Variants in HPSE2 observed in about 807,000 individuals in gnomAD.
The protein encoded by HPSE2 is inactive heparanase-2.
In HPSE2, 38 loss-of-function variants were observed where a neutral mutation model predicts 60.5. That is an observed-to-expected ratio of 0.63 (90% CI 0.48 to 0.82). The LOEUF (loss-of-function observed/expected upper bound fraction) is 0.82, where lower values mean the gene tolerates loss of function less well. Ranked by LOEUF, HPSE2 falls within the 40% of genes least tolerant of loss-of-function variation. The pLI is 0.00. For synonymous variants in HPSE2, 295 were observed against 293.2 expected (o/e 1.01, Z -0.06); for missense variants, 713 against 740.4 (o/e 0.96, Z 0.43).
At chr10:98,992,984 G>A (rs928097401) in intron 3 of HPSE2, among the ~76,000 whole-genome samples, 75 of 152,286 alleles carry the variant, frequency 4.9e-4, no homozygotes, top group Non-Finnish European at 8.1e-4. Context: ...TTCTAGTTCT[G>A]AGTACATAGA....
At chr10:98,836,123 T>TCTACTTTATTCAGCCTTTC (rs1951784627) in intron 3 of HPSE2, among the ~76,000 whole-genome samples, 1 of 152,242 alleles carries the variant, frequency 6.6e-6, no homozygotes, top group Non-Finnish European at 1.5e-5. Flanking sequence ...GTTTCTGATT[T>TCTACTTTATTCAGCCTTTC]CTACTTTATT....
chr10:98,989,819 A>AT (rs1174255034), intron 3 of HPSE2, among the ~76,000 whole-genome samples: 2 of 152,160 alleles, frequency 1.3e-5, no homozygotes, highest in Non-Finnish European at 2.9e-5. Context: ...ATGAATCATA[A>AT]TTTAAGTAGG....
chr10:98,691,355 G>C (rs1948072835), intron 6 of HPSE2, among the ~76,000 whole-genome samples: 2 of 151,988 alleles, frequency 1.3e-5, no homozygotes, highest in South Asian at 4.1e-4. Flanking sequence ...CTGGAGATAT[G>C]GCCAATATTT....
intron 3 of HPSE2, among the ~76,000 whole-genome samples, chr10:98,854,826 C>T (rs1172332373): frequency 6.6e-6 from 1 of 152,098 alleles, no homozygotes; most frequent in Non-Finnish European, 1.5e-5. Flanking sequence ...TTTTAAACCA[C>T]TGAGGATTCT....
At chr10:98,804,241 C>T (rs1302234563) in intron 3 of HPSE2, among the ~76,000 whole-genome samples, 2 of 152,066 alleles carry the variant, frequency 1.3e-5, no homozygotes, top group African/African-American at 2.4e-5. Flanking sequence ...TTAAGCAATA[C>T]CCCGCAAGCA....
intron 3 of HPSE2, among the ~76,000 whole-genome samples, chr10:98,792,864 A>C (rs566940803): frequency 6.6e-6 from 1 of 152,342 alleles, no homozygotes; most frequent in African/African-American, 2.4e-5. Context: ...ACAGCTTTGA[A>C]GGATGTCTTT....
chr10:98,768,625 T>C (rs1343594528), intron 3 of HPSE2, among the ~76,000 whole-genome samples: 1 of 152,226 alleles, frequency 6.6e-6, no homozygotes, highest in East Asian at 1.9e-4. Context: ...TTTTATTTAC[T>C]AAATATTATA....
intron 3 of HPSE2, among the ~76,000 whole-genome samples, chr10:99,060,096 A>C (rs918237575): frequency 2.0e-5 from 3 of 151,774 alleles, no homozygotes; most frequent in African/African-American, 7.3e-5. Flanking sequence ...ATAATTATTC[A>C]AAAAGAAAAA....
In HPSE2 at chr10:98,557,085, C is replaced by T. The variant is rs543562025; in HGVS notation, c.1320+57819G>A. Among the ~76,000 whole-genome samples, 12 of 151,914 alleles carry T rather than the reference C, an allele frequency of 7.9e-5. 1 individual carries two copies. In the South Asian group the frequency reaches 8.3e-4, roughly 11 times the overall value. ...AAAATTAGCCGGGCATGGTGGTGGG[C>T]GCCTGTAGTTCCAGCTACTCAGGAG... On this transcript the variant is annotated intron_variant, in intron 9 of 11. Coordinates refer to ENST00000370552, the MANE Select transcript of HPSE2 (RefSeq NM_021828.5).
chr10:98,459,547 ACTGGTAGCCG>A lies in HPSE2; in HGVS notation c.*17_*26del, dbSNP rs1564893277. On this transcript the variant is annotated 3_prime_UTR_variant, in exon 12 of 12. Transcript: ENST00000370552. ...GGAGTGGAAGCAGCCCAGCAGGCCC[ACTGGTAGCCG>A]TGAGTGTGAGGATAGCTTATCGGTA... 4 of 1,613,478 alleles carry A rather than the reference ACTGGTAGCCG, an allele frequency of 2.5e-6. No homozygotes were observed. The highest frequency in any genetic ancestry group is 3.4e-6 in the Non-Finnish European group (4 of 1,179,520).
At chr10:99,276,589 T>C in the HPSE2 span, among the ~76,000 whole-genome samples, 2 of 152,174 alleles carry the variant, frequency 1.3e-5, no homozygotes, top group African/African-American at 4.8e-5. Flanking sequence ...GAATTCTTTT[T>C]ACATCTTTTT....
intron 3 of HPSE2, among the ~76,000 whole-genome samples, chr10:99,015,297 AC>A (rs1440966915): frequency 2.0e-5 from 3 of 152,128 alleles, no homozygotes; most frequent in Non-Finnish European, 4.4e-5. Flanking sequence ...ATACCATTTG[AC>A]CCAGCCATCC....
intron 3 of HPSE2, among the ~76,000 whole-genome samples, chr10:99,076,901 C>T (rs548573871): frequency 3.6e-4 from 55 of 152,238 alleles, no homozygotes; most frequent in African/African-American, 1.2e-3. Context: ...AGGTCTGGGT[C>T]GCAAAGAACT....
chr10:99,127,009 C>T (rs1845189538), intron 3 of HPSE2, among the ~76,000 whole-genome samples: 3 of 152,104 alleles, frequency 2.0e-5, no homozygotes, highest in Admixed American at 2.0e-4. Context: ...GCTCTTGAGT[C>T]CCAGATCTTC....
intron 3 of HPSE2, among the ~76,000 whole-genome samples, chr10:98,815,337 G>T (rs1003630309): frequency 2.0e-5 from 3 of 152,180 alleles, no homozygotes; most frequent in Admixed American, 6.6e-5. Flanking sequence ...GTATATAACA[G>T]GTAGATCTAT....
chr10:98,923,848 T>C (rs749084380), intron 3 of HPSE2, among the ~76,000 whole-genome samples: 5 of 152,180 alleles, frequency 3.3e-5, no homozygotes, highest in Admixed American at 1.3e-4. Flanking sequence ...AAAACAGCTA[T>C]TTTGAATTCT....
intron 3 of HPSE2, among the ~76,000 whole-genome samples, chr10:98,835,341 G>A (rs1460091294): frequency 6.6e-6 from 1 of 152,104 alleles, no homozygotes; most frequent in Non-Finnish European, 1.5e-5. Flanking sequence ...GCTTATATTT[G>A]AAGACACTTC....
At chr10:98,614,282 A>G (rs1332463199) in intron 9 of HPSE2, among the ~76,000 whole-genome samples, 1 of 146,438 alleles carries the variant, frequency 6.8e-6, no homozygotes, top group African/African-American at 2.4e-5. Flanking sequence ...TCTCAACTGC[A>G]CAAGGATTGT....
chr10:98,494,845 T>G (rs1467637905), intron 9 of HPSE2, among the ~76,000 whole-genome samples: 2 of 152,214 alleles, frequency 1.3e-5, no homozygotes, highest in East Asian at 3.8e-4. Flanking sequence ...ATAATTGTTT[T>G]TAAAAGAGGT....
Sources: gnomAD v4.1 joint callset for allele counts (sites outside exome capture counted in the v4.1 genomes callset) on GRCh38, gnomAD v4.1.1 for gene constraint, MANE v1.5 for transcripts, NCBI Gene and HGNC (gene_info 2026-07-23, HGNC 2026-07-21) for gene names.